The following CDH13 variants were observed in gnomAD, a reference collection of about 807,000 sequenced individuals.
The protein encoded by CDH13 is cadherin-13.
CDH13 carries 24 observed loss-of-function variants against 63.8 expected under a neutral mutation model. The observed-to-expected ratio is 0.38, with a 90% CI of 0.27 to 0.53. The LOEUF (loss-of-function observed/expected upper bound fraction) is 0.53, where lower values mean the gene tolerates loss of function less well. CDH13 is among the 20% of genes least tolerant of loss of function. The pLI is 0.85. For missense variants in CDH13, 1,049 were observed against 903.1 expected (o/e 1.16, Z -2.07); for synonymous variants, 503 against 355.3 (o/e 1.42, Z -4.67).
At chr16:83,536,293 A>T (rs935248292) in intron 7 of CDH13, among the ~76,000 whole-genome samples, 2 of 152,192 alleles carry the variant, frequency 1.3e-5, no homozygotes, top group African/African-American at 4.8e-5. Context: ...AGATAGTACA[A>T]GGTAAGAGGG....
intron 7 of CDH13, among the ~76,000 whole-genome samples, chr16:83,487,510 C>G (rs1255497924): frequency 6.6e-6 from 1 of 152,034 alleles, no homozygotes; most frequent in South Asian, 2.1e-4. Flanking sequence ...CTGGTCCTGC[C>G]CTTTCCTGAG....
At chr16:82,857,740 C>G (rs1343169244) in intron 1 of CDH13, among the ~76,000 whole-genome samples, 1 of 152,106 alleles carries the variant, frequency 6.6e-6, no homozygotes, top group Non-Finnish European at 1.5e-5. Context: ...ATTGTCATTT[C>G]AACATGTAAT....
chr16:82,727,829 C>G (rs2033184401), intron 1 of CDH13: 1 of 152,196 alleles, frequency 6.6e-6, no homozygotes, highest in South Asian at 2.1e-4. Context: ...CAATGGTGAG[C>G]AGACCCACTC....
chr16:82,689,897 C>A (rs771960586), intron 1 of CDH13, among the ~76,000 whole-genome samples: 2 of 142,018 alleles, frequency 1.4e-5, no homozygotes, highest in Non-Finnish European at 1.5e-5. Context: ...ATAATCCCAG[C>A]ACTTTTGGAG....
intron 5 of CDH13, among the ~76,000 whole-genome samples, chr16:83,331,387 A>G (rs184447337): frequency 1.7e-4 from 26 of 152,304 alleles, no homozygotes; most frequent in African/African-American, 5.8e-4. Context: ...GTATGGTACT[A>G]TAATACTGAT....
chr16:83,352,095 G>T (rs1375215648), intron 6 of CDH13, among the ~76,000 whole-genome samples: 1 of 152,162 alleles, frequency 6.6e-6, no homozygotes, highest in African/African-American at 2.4e-5. Flanking sequence ...CCCAGGGATG[G>T]CATCATTAAC....
intron 1 of CDH13, among the ~76,000 whole-genome samples, chr16:82,683,254 A>G (rs1234622583): frequency 6.6e-6 from 1 of 152,068 alleles, no homozygotes; most frequent in Admixed American, 6.6e-5. Context: ...CTTTCTGTCC[A>G]GGTTTGATCT....
At chr16:83,660,412 G>C (rs1008363254) in intron 8 of CDH13, among the ~76,000 whole-genome samples, 1 of 152,146 alleles carries the variant, frequency 6.6e-6, no homozygotes, top group African/African-American at 2.4e-5. Context: ...TATAGGGTTT[G>C]TGCTCCTATG....
At chr16:82,838,575 T>G (rs1298661511) in intron 1 of CDH13, among the ~76,000 whole-genome samples, 1 of 152,212 alleles carries the variant, frequency 6.6e-6, no homozygotes, top group Non-Finnish European at 1.5e-5. Flanking sequence ...TCATTGCTTC[T>G]GGGCTTTCCA....
chr16:83,431,708 C>A (rs970985506), intron 6 of CDH13, among the ~76,000 whole-genome samples: 4 of 152,208 alleles, frequency 2.6e-5, no homozygotes, highest in African/African-American at 9.6e-5. Context: ...AAGTGCCACA[C>A]ACTTTCAAAC....
rs2151027276 is a variant in CDH13, at chr16:83,799,589, C to G, written c.*4559C>G. ...ACAGGAAACCCAAGCACTAAAAAAGCCACCTACCTTTTCTGTTTACCAAAT... is the reference window on the plus strand; with the variant it reads ...ACAGGAAACCCAAGCACTAAAAAAGGCACCTACCTTTTCTGTTTACCAAAT... On this transcript the variant is annotated 3_prime_UTR_variant, in exon 14 of 14. Coordinates refer to ENST00000567109, the MANE Select transcript of CDH13 (RefSeq NM_001257.5). 6.6e-6 allele frequency: 1 copy of G among 152,264 alleles called. No homozygotes were observed. Among genetic ancestry groups the G allele is most frequent in the Non-Finnish European group, 1.5e-5 (1 of 68,024 alleles). 9.4% of individuals were successfully genotyped at this position (152,264 alleles called of 1,614,324 possible). A position where few individuals can be genotyped will look rare whatever the true frequency, so the allele number is the denominator to read the frequency against.
intron 5 of CDH13, among the ~76,000 whole-genome samples, chr16:83,264,228 C>T (rs1007948705): frequency 1.2e-4 from 18 of 152,188 alleles, no homozygotes; most frequent in African/African-American, 4.1e-4. Flanking sequence ...TAAATACCAC[C>T]TGTTCAATGG....
intron 10 of CDH13, among the ~76,000 whole-genome samples, chr16:83,684,935 C>T (rs966007878): frequency 2.6e-5 from 4 of 152,038 alleles, no homozygotes; most frequent in African/African-American, 4.8e-5. Flanking sequence ...AGTTCAGGGA[C>T]AGTGGCAGCC....
At chr16:82,816,708 G>GA (rs35107004) in intron 1 of CDH13, among the ~76,000 whole-genome samples, 30,139 of 150,554 alleles carry the variant, frequency 0.2, 3,205 homozygotes, top group Non-Finnish European at 0.22. Flanking sequence ...ACGAAGATGT[G>GA]AAAAATTGCA....
chr16:82,781,384 G>C (rs2035746552), intron 1 of CDH13, among the ~76,000 whole-genome samples: 1 of 152,074 alleles, frequency 6.6e-6, no homozygotes, highest in African/African-American at 2.4e-5. Flanking sequence ...CTTGGTATTT[G>C]AATGCTATCT....
At chr16:83,600,070 C>G (rs1335674033) in intron 7 of CDH13, among the ~76,000 whole-genome samples, 2 of 152,176 alleles carry the variant, frequency 1.3e-5, no homozygotes, top group Admixed American at 6.5e-5. Context: ...GATGGGATTT[C>G]AAGCATCTAT....
At chr16:83,578,271 C>G (rs1297379889) in intron 7 of CDH13, among the ~76,000 whole-genome samples, 1 of 152,176 alleles carries the variant, frequency 6.6e-6, no homozygotes, top group Non-Finnish European at 1.5e-5. Context: ...GTAAAATTAA[C>G]CATTTCTCAC....
At chr16:83,687,973 C>G (rs1242736656) in intron 10 of CDH13, among the ~76,000 whole-genome samples, 1 of 152,190 alleles carries the variant, frequency 6.6e-6, no homozygotes, top group African/African-American at 2.4e-5. Context: ...TTCCTTCCTC[C>G]TCATCTTTCT....
chr16:83,624,680 G>A (rs941871106), intron 8 of CDH13, among the ~76,000 whole-genome samples: 3 of 152,064 alleles, frequency 2.0e-5, no homozygotes, highest in East Asian at 1.9e-4. Context: ...GTACAGGTCC[G>A]CAGCCCCAGG....
Sources: gnomAD v4.1 joint callset for allele counts (sites outside exome capture counted in the v4.1 genomes callset) on GRCh38, gnomAD v4.1.1 for gene constraint, MANE v1.5 for transcripts, NCBI Gene and HGNC (gene_info 2026-07-23, HGNC 2026-07-21) for gene names.